The following KPNA4 variants were observed in gnomAD, a reference collection of about 807,000 sequenced individuals.
The protein encoded by KPNA4 is karyopherin subunit alpha 4.
KPNA4 carries 13 observed loss-of-function variants against 71.3 expected under a neutral mutation model. The observed-to-expected ratio is 0.18, with a 90% CI of 0.12 to 0.29. KPNA4 has a LOEUF of 0.29. Ranked by LOEUF, KPNA4 falls within the 10% of genes least tolerant of loss-of-function variation. The pLI is 1.00. For missense variants in KPNA4, 334 were observed against 603.2 expected (o/e 0.55, Z 4.67); for synonymous variants, 189 against 195.2 (o/e 0.97, Z 0.26).
At chr3:160,513,874 G>A (rs926176473) in intron 13 of KPNA4, among the ~76,000 whole-genome samples, 3 of 152,110 alleles carry the variant, frequency 2.0e-5, no homozygotes, top group African/African-American at 7.2e-5. Flanking sequence ...GAAAGGGCTA[G>A]GATTTGCCCC....
chr3:160,555,745 T>C (rs972092207), intron 1 of KPNA4, among the ~76,000 whole-genome samples: 4 of 152,164 alleles, frequency 2.6e-5, no homozygotes, highest in Admixed American at 6.5e-5. Flanking sequence ...TACTCCATTG[T>C]ATGCATATAC....
chr3:160,560,814 A>G (rs1194483638), intron 1 of KPNA4, among the ~76,000 whole-genome samples: 1 of 152,048 alleles, frequency 6.6e-6, no homozygotes, highest in Non-Finnish European at 1.5e-5. Context: ...TCCTAACTAT[A>G]TTTCTATCAG....
intron 15 of KPNA4, among the ~76,000 whole-genome samples, chr3:160,506,007 T>C (rs1174797546): frequency 1.3e-5 from 2 of 152,162 alleles, no homozygotes; most frequent in Non-Finnish European, 2.9e-5. Flanking sequence ...CAACAATAGC[T>C]TGAAATTTAA....
intron 5 of KPNA4, among the ~76,000 whole-genome samples, chr3:160,534,281 A>C (rs976077020): frequency 6.6e-6 from 1 of 152,168 alleles, no homozygotes; most frequent in African/African-American, 2.4e-5. Flanking sequence ...TGTTATTCTT[A>C]TATTCATAAA....
intron 11 of KPNA4, among the ~76,000 whole-genome samples, chr3:160,518,197 G>C (rs1021949839): frequency 6.7e-6 from 1 of 149,908 alleles, no homozygotes; most frequent in Non-Finnish European, 1.5e-5. Context: ...GCGCGATCTC[G>C]GCTCACTGCA....
intron 5 of KPNA4, among the ~76,000 whole-genome samples, chr3:160,533,699 C>T (rs972376948): frequency 6.6e-6 from 1 of 152,144 alleles, no homozygotes; most frequent in African/African-American, 2.4e-5. Flanking sequence ...CTCACAGTTG[C>T]TTTGCAATAC....
intron 1 of KPNA4, among the ~76,000 whole-genome samples, chr3:160,559,825 A>G (rs544062916): frequency 2.2e-4 from 33 of 152,254 alleles, no homozygotes; most frequent in African/African-American, 7.9e-4. Context: ...TCTTAAGCCA[A>G]ACATTAAGAC....
intron 12 of KPNA4, among the ~76,000 whole-genome samples, 194 bp from the exon 13 acceptor site, chr3:160,514,375 C>G (rs897799268): frequency 6.6e-6 from 1 of 152,164 alleles, no homozygotes; most frequent in African/African-American, 2.4e-5. Context: ...GGACCTAATT[C>G]AAATCACAAT....
intron 12 of KPNA4, among the ~76,000 whole-genome samples, chr3:160,514,500 T>C (rs1397766591): frequency 6.6e-6 from 1 of 152,208 alleles, no homozygotes; most frequent in African/African-American, 2.4e-5. Flanking sequence ...TGAGCAAATA[T>C]GAATAATGAG....
intron 7 of KPNA4, among the ~76,000 whole-genome samples, chr3:160,529,130 T>C (rs964401887): frequency 6.6e-6 from 1 of 151,676 alleles, no homozygotes; most frequent in Non-Finnish European, 1.5e-5. Flanking sequence ...GATGGGGTTT[T>C]ACCATGTTGC....
chr3:160,507,094 A>T (rs1226875636), intron 15 of KPNA4, among the ~76,000 whole-genome samples: 4 of 152,278 alleles, frequency 2.6e-5, no homozygotes, highest in African/African-American at 9.6e-5. Context: ...TAACTCTAAG[A>T]CTTGAAAGCT....
Position 160,499,646 on chromosome 3 carries a change from C to T in KPNA4, c.*2458G>A, listed in dbSNP as rs1720838559. On this transcript the variant is annotated 3_prime_UTR_variant, in exon 17 of 17. Coordinates refer to ENST00000334256, the MANE Select transcript of KPNA4 (RefSeq NM_002268.5). The stretch of plus-strand genomic sequence containing the variant: ...AAAATATTTAAACGATAAGGTAGTC[C>T]TTATACCCAGAGATATTAATATCAC... 1 of 151,982 alleles carries T rather than the reference C, an allele frequency of 6.6e-6. No individual in the cohort carries two copies. Among genetic ancestry groups the T allele is most frequent in the South Asian group, 2.1e-4 (1 of 4,826 alleles). 9.4% of individuals were successfully genotyped at this position (151,982 alleles called of 1,614,324 possible).
rs574329735 is a variant in KPNA4 at position 160,560,576 on chromosome 3, G to A, written c.69+4638C>T. On this transcript the variant is annotated intron_variant, in intron 1 of 16. Coordinates refer to ENST00000334256, the MANE Select transcript of KPNA4 (RefSeq NM_002268.5). The stretch of plus-strand genomic sequence containing the variant: ...CCACTATCAGGTATTAGAAATCAAT[G>A]TTTAAAAACTACCTTTGCATTTTTT... Among the ~76,000 whole-genome samples, 29 of 151,506 alleles carry A rather than the reference G, an allele frequency of 1.9e-4. No homozygotes were observed. The South Asian group carries it at 6.0e-3, about 31-fold the overall frequency.
At chr3:160,544,891 A>G (rs1721875176) in intron 1 of KPNA4, among the ~76,000 whole-genome samples, 1 of 152,232 alleles carries the variant, frequency 6.6e-6, no homozygotes, top group Admixed American at 6.5e-5. Context: ...AGAACATAAT[A>G]AACTCAAACT....
At chr3:160,545,016 G>A (rs985572925) in intron 1 of KPNA4, among the ~76,000 whole-genome samples, 3 of 152,150 alleles carry the variant, frequency 2.0e-5, no homozygotes, top group East Asian at 1.9e-4. Flanking sequence ...ATGGCCCAGC[G>A]ACTTCAAGAA....
Position 160,499,810 on chromosome 3 carries a change from C to T in KPNA4, c.*2294G>A, listed in dbSNP as rs2108540602. Reference sequence around the variant, plus strand: ...GTAAAGCATTGCTGTGTTCACCTTCCAATTACTGAAACCTTCTGTACTATG... The same window carrying T: ...GTAAAGCATTGCTGTGTTCACCTTCTAATTACTGAAACCTTCTGTACTATG... On this transcript the variant is annotated 3_prime_UTR_variant, in exon 17 of 17. Coordinates refer to ENST00000334256, the MANE Select transcript of KPNA4 (RefSeq NM_002268.5). 6.6e-6 allele frequency: 1 copy of T among 152,156 alleles called. No individual in the cohort carries two copies. Among genetic ancestry groups the T allele is most frequent in the Middle Eastern group, 3.4e-3 (1 of 292 alleles). 9.4% of individuals were successfully genotyped at this position (152,156 alleles called of 1,614,324 possible).
intron 1 of KPNA4, among the ~76,000 whole-genome samples, chr3:160,552,505 A>C (rs1423618030): frequency 1.3e-5 from 2 of 152,222 alleles, no homozygotes; most frequent in African/African-American, 2.4e-5. Flanking sequence ...AGACTTAAGA[A>C]TATAGTGGTG....
chr3:160,513,111 T>TA (rs1407974810), intron 13 of KPNA4, among the ~76,000 whole-genome samples: 1 of 152,144 alleles, frequency 6.6e-6, no homozygotes, highest in Non-Finnish European at 1.5e-5. Flanking sequence ...CATTAGGAAA[T>TA]AGAGTTGTGC....
At chr3:160,502,270 C>T (rs985563835) in intron 16 of KPNA4, 68 bp from the exon 17 acceptor site, 1 of 697,850 alleles carries the variant, frequency 1.4e-6, no homozygotes, top group East Asian at 3.3e-5. Flanking sequence ...TATTATAGTA[C>T]TAATCCCATT....
Sources: allele counts gnomAD v4.1 joint callset (sites outside exome capture counted in the v4.1 genomes callset), GRCh38; gene constraint gnomAD v4.1.1; transcripts MANE v1.5; gene names NCBI Gene and HGNC (gene_info 2026-07-23, HGNC 2026-07-21).